Variants in PRR16 observed in about 807,000 individuals in gnomAD.
PRR16 encodes protein Largen.
A neutral mutation model predicts 18.2 loss-of-function variants in PRR16; 6 were observed. That is an observed-to-expected ratio of 0.33 (90% CI 0.18 to 0.65). PRR16 has a LOEUF of 0.65. PRR16 is among the 30% of genes least tolerant of loss of function. PRR16 has a pLI of 0.74. For missense variants in PRR16, 412 were observed against 376.6 expected (o/e 1.09, Z -0.78); for synonymous variants, 151 against 147.8 (o/e 1.02, Z -0.16).
intron 1 of PRR16, among the ~76,000 whole-genome samples, chr5:120,636,845 A>G (rs554467303): frequency 4.9e-4 from 74 of 152,304 alleles, no homozygotes; most frequent in African/African-American, 1.6e-3. Flanking sequence ...CAGCAGAGTC[A>G]ACAGCCAACC....
At chr5:120,752,378 T>A in the PRR16 span, among the ~76,000 whole-genome samples, 2 of 151,898 alleles carry the variant, frequency 1.3e-5, no homozygotes, top group Non-Finnish European at 2.9e-5. Flanking sequence ...TAATACACAA[T>A]AACAGAGAAA....
intron 1 of PRR16, among the ~76,000 whole-genome samples, chr5:120,655,773 T>C (rs1580839894): frequency 6.7e-6 from 1 of 149,698 alleles, no homozygotes; most frequent in East Asian, 2.0e-4. Context: ...TATTTTCAAA[T>C]GAAGGTGGTC....
the PRR16 span, among the ~76,000 whole-genome samples, chr5:120,697,137 T>A: frequency 6.6e-6 from 1 of 152,334 alleles, no homozygotes; most frequent in Non-Finnish European, 1.5e-5. Flanking sequence ...GAGAAAAAGT[T>A]GCTTTTTCCT....
At chr5:120,666,711 G>T (rs1285368185) in intron 1 of PRR16, among the ~76,000 whole-genome samples, 1 of 147,876 alleles carries the variant, frequency 6.8e-6, no homozygotes, top group Non-Finnish European at 1.5e-5. Flanking sequence ...CATCTATTGA[G>T]ATAATCATGT....
chr5:120,589,079 T>C (rs969721161), intron 1 of PRR16, among the ~76,000 whole-genome samples: 1 of 152,126 alleles, frequency 6.6e-6, no homozygotes, highest in Non-Finnish European at 1.5e-5. Flanking sequence ...GTAGAGATGA[T>C]AATAAAACCC....
chr5:120,559,001 C>A (rs531720363), intron 1 of PRR16, among the ~76,000 whole-genome samples: 14 of 151,562 alleles, frequency 9.2e-5, no homozygotes, highest in Non-Finnish European at 1.9e-4. Flanking sequence ...TATTATTTTT[C>A]CTGTAGAGTT....
chr5:120,765,470 G>GTT, the PRR16 span, among the ~76,000 whole-genome samples: 1 of 151,986 alleles, frequency 6.6e-6, no homozygotes, highest in African/African-American at 2.4e-5. Flanking sequence ...CTCTGGGGTA[G>GTT]TTTTTAGAGT....
chr5:120,610,735 T>A (rs779256366), intron 1 of PRR16, among the ~76,000 whole-genome samples: 11 of 152,194 alleles, frequency 7.2e-5, no homozygotes, highest in Non-Finnish European at 1.3e-4. Flanking sequence ...TATACCTTTT[T>A]TTCTTCCCAG....
intron 1 of PRR16, among the ~76,000 whole-genome samples, chr5:120,522,732 A>G (rs1449792404): frequency 6.6e-6 from 1 of 152,030 alleles, no homozygotes; most frequent in African/African-American, 2.4e-5. Flanking sequence ...CAGCCTCCTG[A>G]GTAACTGGGA....
chr5:120,673,503 C>A (rs1249905401), intron 1 of PRR16, among the ~76,000 whole-genome samples: 2 of 152,122 alleles, frequency 1.3e-5, no homozygotes, highest in South Asian at 2.1e-4. Flanking sequence ...ACATAAACTC[C>A]TGAATCTTGT....
chr5:120,643,210 C>G (rs1029007326), intron 1 of PRR16, among the ~76,000 whole-genome samples: 1 of 151,498 alleles, frequency 6.6e-6, no homozygotes, highest in African/African-American at 2.4e-5. Flanking sequence ...AAACAAAACT[C>G]TATCACTGTC....
At chr5:120,793,887 G>C in the PRR16 span, among the ~76,000 whole-genome samples, 1 of 152,216 alleles carries the variant, frequency 6.6e-6, no homozygotes, top group South Asian at 2.1e-4. Flanking sequence ...ATTGAATACT[G>C]TAAGCAGTGG....
intron 1 of PRR16, among the ~76,000 whole-genome samples, chr5:120,494,699 T>C (rs760419076): frequency 7.2e-5 from 11 of 152,082 alleles, no homozygotes; most frequent in Non-Finnish European, 1.5e-4. Flanking sequence ...ATTCTGAAGG[T>C]CTTCCTCTAT....
chr5:120,593,816 G>C (rs1211729492), intron 1 of PRR16, among the ~76,000 whole-genome samples: 3 of 152,028 alleles, frequency 2.0e-5, no homozygotes, highest in Non-Finnish European at 4.4e-5. Context: ...AATAAAATAG[G>C]CTTTATCCCT....
At chr5:120,646,589 A>G (rs1277939270) in intron 1 of PRR16, among the ~76,000 whole-genome samples, 1 of 152,032 alleles carries the variant, frequency 6.6e-6, no homozygotes, top group Non-Finnish European at 1.5e-5. Context: ...AGGAGAATTA[A>G]TATTTCAGAG....
the PRR16 span, among the ~76,000 whole-genome samples, chr5:120,752,196 TCA>T: frequency 2.6e-5 from 4 of 152,064 alleles, no homozygotes; most frequent in African/African-American, 4.8e-5. Context: ...TTTTTATGAA[TCA>T]CTGCCTACTC....
chr5:120,696,351 T>A, the PRR16 span, among the ~76,000 whole-genome samples: 1 of 152,172 alleles, frequency 6.6e-6, no homozygotes, highest in East Asian at 1.9e-4. Context: ...TATGCTTTTG[T>A]AGTGTGCATC....
chr5:120,617,427 A>G (rs1203186445), intron 1 of PRR16, among the ~76,000 whole-genome samples: 1 of 152,172 alleles, frequency 6.6e-6, no homozygotes, highest in Non-Finnish European at 1.5e-5. Context: ...TCTGTGTTTT[A>G]TGTTTAAATT....
At chr5:120,775,648 T>C in the PRR16 span, among the ~76,000 whole-genome samples, 1 of 150,322 alleles carries the variant, frequency 6.7e-6, no homozygotes, top group Non-Finnish European at 1.5e-5. Context: ...TTTTTTTTTT[T>C]AGATGGAGTT....
Sources: allele counts gnomAD v4.1 joint callset (sites outside exome capture counted in the v4.1 genomes callset), GRCh38; gene constraint gnomAD v4.1.1; transcripts MANE v1.5; gene names NCBI Gene and HGNC (gene_info 2026-07-23, HGNC 2026-07-21).